Variants in KLF9 observed in about 807,000 individuals in gnomAD.
The protein encoded by KLF9 is Krueppel-like factor 9.
A neutral mutation model predicts 17.3 loss-of-function variants in KLF9; 2 were observed. That is an observed-to-expected ratio of 0.12 (90% CI 0.05 to 0.36). The LOEUF (loss-of-function observed/expected upper bound fraction) is 0.36, where lower values mean the gene tolerates loss of function less well. KLF9 is among the 10% of genes least tolerant of loss of function. The probability of loss-of-function intolerance (pLI) is 1.00; values close to 1 mark genes in which losing one functional copy is unlikely to be tolerated. For synonymous variants in KLF9, 138 were observed against 139.2 expected, an observed-to-expected ratio of 0.99 and a Z score of 0.06; for missense variants, 226 against 333.2, an observed-to-expected ratio of 0.68 and a Z score of 2.51.
At chr9:70,410,541 T>A (rs2037304363) in intron 1 of KLF9, among the ~76,000 whole-genome samples, 1 of 152,212 alleles carries the variant, frequency 6.6e-6, no homozygotes, top group Admixed American at 6.5e-5. Flanking sequence ...AAGTGGTCTA[T>A]GAAGTGGCAG....
Position 70,409,135 on chromosome 9 carries a change from CATAT to C in KLF9, c.505+3720_505+3723del, listed in dbSNP as rs1256732601. On this transcript the variant is annotated intron_variant, in intron 1 of 1. Transcript: ENST00000377126. ...ATATACATATATGTATATATGTATA[CATAT>C]ATATGTATATGTATATATATACACA... Among the ~76,000 whole-genome samples, 407 of 48,954 alleles carry C rather than the reference CATAT, an allele frequency of 8.3e-3. 27 individuals carry two copies. The East Asian group carries it at 0.11, about 14-fold the overall frequency. 32.1% of individuals were successfully genotyped at this position (48,954 alleles called of 152,430 possible).
At chr9:70,406,313 C>T (rs1368708697) in intron 1 of KLF9, among the ~76,000 whole-genome samples, 1 of 152,164 alleles carries the variant, frequency 6.6e-6, no homozygotes, top group East Asian at 1.9e-4. Flanking sequence ...ACATGCTAGT[C>T]AAGGCAGATA....
chr9:70,387,474 A>G lies in KLF9; in HGVS notation c.*302T>C, dbSNP rs1211596489. 2.6e-5 allele frequency: 4 copies of G among 153,248 alleles called. No individual in the cohort carries two copies. Among genetic ancestry groups the G allele is most frequent in the Non-Finnish European group, 5.4e-5 (4 of 73,610 alleles). The allele number at this position is 153,248 out of a possible 1,614,324, so 9.5% of individuals were successfully genotyped here. ...CTCCCCCGCAAAAAAATAAAAGGAG[A>G]AAAAAAAACAAAAACAAAAACCAAA... On this transcript the variant is annotated 3_prime_UTR_variant, in exon 2 of 2. Transcript: ENST00000377126.
intron 1 of KLF9, among the ~76,000 whole-genome samples, chr9:70,397,238 G>C (rs748984575): frequency 2.0e-5 from 3 of 152,140 alleles, no homozygotes; most frequent in Non-Finnish European, 4.4e-5. Context: ...ACTTTGGGAG[G>C]CCAAGGGGGG....
rs142610038 is a variant in KLF9 at position 70,395,661 on chromosome 9, T to C, written c.506-7656A>G. On this transcript the variant is annotated intron_variant, in intron 1 of 1. Coordinates refer to ENST00000377126, the MANE Select transcript of KLF9 (RefSeq NM_001206.4). ...AAATAATTTATAAAGTAAGAAATAC[T>C]GGCCAGACGTGGTGGTTCATGCCTG... Among the ~76,000 whole-genome samples the C allele has an allele frequency of 2.9e-3, 447 of 152,284 alleles. 2 individuals carry two copies. Among genetic ancestry groups the C allele is most frequent in the African/African-American group, 0.011 (437 of 41,580 alleles).
chr9:70,409,471 C>T (rs1245383087), intron 1 of KLF9, among the ~76,000 whole-genome samples: 1 of 151,780 alleles, frequency 6.6e-6, no homozygotes, highest in Non-Finnish European at 1.5e-5. Flanking sequence ...CTGATGACTT[C>T]CGAGCTGGAA....
chr9:70,396,689 TC>T (rs1332727191), intron 1 of KLF9, among the ~76,000 whole-genome samples: 1 of 152,218 alleles, frequency 6.6e-6, no homozygotes, highest in Non-Finnish European at 1.5e-5. Context: ...ACAATTACTA[TC>T]TACCAGTGAG....
Position 70,413,446 on chromosome 9 carries a change from A to G in KLF9, c.-83T>C, listed in dbSNP as rs1420943419. The G allele has an allele frequency of 3.1e-5, 39 of 1,275,320 alleles. No individual in the cohort carries two copies. Among genetic ancestry groups the G allele is most frequent in the Non-Finnish European group, 3.4e-5 (34 of 1,010,808 alleles). The allele number at this position is 1,275,320 out of a possible 1,614,324, so 79.0% of individuals were successfully genotyped here. The stretch of plus-strand genomic sequence containing the variant: ...TCGGCTCGCCCTGCCCTGGCCTCGG[A>G]CGACGAGCGCGGCGCGGCGCGGCAC... On this transcript the variant is annotated 5_prime_UTR_variant, in exon 1 of 2. Transcript: ENST00000377126. The surrounding 1 kb of genome is among the most constrained non-coding windows in gnomAD (Gnocchi z 5.6).
chr9:70,399,114 C>A (rs1442934502), intron 1 of KLF9, among the ~76,000 whole-genome samples: 1 of 152,174 alleles, frequency 6.6e-6, no homozygotes, highest in Non-Finnish European at 1.5e-5. Flanking sequence ...GGATTACAGC[C>A]GTGAGACACT....
At position 70,414,285 on chromosome 9, in the gene KLF9, C is replaced by T. The variant is rs944061772; in HGVS notation, c.-922G>A. 2 of 152,246 alleles carry T rather than the reference C, an allele frequency of 1.3e-5. No individual in the cohort carries two copies. The highest frequency in any genetic ancestry group is 4.8e-5 in the African/African-American group (2 of 41,460). 9.4% of individuals were successfully genotyped at this position (152,246 alleles called of 1,614,324 possible). A position where few individuals can be genotyped will look rare whatever the true frequency, so the allele number is the denominator to read the frequency against. On this transcript the variant is annotated 5_prime_UTR_variant, in exon 1 of 2. Coordinates refer to ENST00000377126, the MANE Select transcript of KLF9 (RefSeq NM_001206.4). ...CAGCTTGCGGAGCTTTGGGACACAT[C>T]TTTCCTAGTCAGTTGCGCTCGTTCC... is the stretch of plus-strand genomic sequence containing the variant.
At position 70,386,584 on chromosome 9, in the gene KLF9, A is replaced by G. The variant is rs1158345732; in HGVS notation, c.*1192T>C. 6.6e-6 allele frequency: 1 copy of G among 152,642 alleles called. No individual in the cohort carries two copies. The highest frequency in any genetic ancestry group is 1.5e-5 in the Non-Finnish European group (1 of 68,048). 9.5% of individuals were successfully genotyped at this position (152,642 alleles called of 1,614,324 possible). A position where few individuals can be genotyped will look rare whatever the true frequency, so the allele number is the denominator to read the frequency against. On this transcript the variant is annotated 3_prime_UTR_variant, in exon 2 of 2. Coordinates refer to ENST00000377126, the MANE Select transcript of KLF9 (RefSeq NM_001206.4). ...GAGAGTGGGAGTTTTGTAGGAACAC[A>G]GGAAGGAGACCAACAAACCTTTTTC... is the stretch of plus-strand genomic sequence containing the variant.
At position 70,413,457 on chromosome 9, in the gene KLF9, G is replaced by T. The variant is rs913121105; in HGVS notation, c.-94C>A. On this transcript the variant is annotated 5_prime_UTR_variant, in exon 1 of 2. Coordinates refer to ENST00000377126, the MANE Select transcript of KLF9 (RefSeq NM_001206.4). This position sits in a 1 kb window ranked among gnomAD's most constrained non-coding sequence, Gnocchi z 5.6. The stretch of plus-strand genomic sequence containing the variant: ...TGCCCTGGCCTCGGACGACGAGCGC[G>T]GCGCGGCGCGGCACGGCGCGGCGGC... 6 of 1,229,984 alleles carry T rather than the reference G, an allele frequency of 4.9e-6. No homozygotes were observed. Among genetic ancestry groups the T allele is most frequent in the South Asian group, 3.1e-5 (1 of 32,432 alleles). 76.2% of individuals were successfully genotyped at this position (1,229,984 alleles called of 1,614,324 possible).
chr9:70,413,441 C>T lies in KLF9; in HGVS notation c.-78G>A, dbSNP rs2037344058. 1 of 1,297,284 alleles carries T rather than the reference C, an allele frequency of 7.7e-7. No homozygotes were observed. The highest frequency in any genetic ancestry group is 4.0e-5 in the Admixed American group (1 of 24,852). The allele number at this position is 1,297,284 out of a possible 1,614,324, so 80.4% of individuals were successfully genotyped here. Reference sequence around the variant, plus strand: ...GAGGTTCGGCTCGCCCTGCCCTGGCCTCGGACGACGAGCGCGGCGCGGCGC... The same window carrying T: ...GAGGTTCGGCTCGCCCTGCCCTGGCTTCGGACGACGAGCGCGGCGCGGCGC... On this transcript the variant is annotated 5_prime_UTR_variant, in exon 1 of 2. Coordinates refer to ENST00000377126, the MANE Select transcript of KLF9 (RefSeq NM_001206.4). This position sits in a 1 kb window ranked among gnomAD's most constrained non-coding sequence, Gnocchi z 5.6.
chr9:70,404,283 T>C (rs2037242202), intron 1 of KLF9, among the ~76,000 whole-genome samples: 1 of 152,194 alleles, frequency 6.6e-6, no homozygotes, highest in Non-Finnish European at 1.5e-5. Flanking sequence ...TTTTTGCATG[T>C]AAGTCACTCA....
rs2118934826 is a variant in KLF9, at chr9:70,413,462, G to C, written c.-99C>G. 2 of 1,191,772 alleles carry C rather than the reference G, an allele frequency of 1.7e-6. No individual in the cohort carries two copies. Among genetic ancestry groups the C allele is most frequent in the Middle Eastern group, 3.2e-4 (1 of 3,112 alleles). 73.8% of individuals were successfully genotyped at this position (1,191,772 alleles called of 1,614,324 possible). A position where few individuals can be genotyped will look rare whatever the true frequency, so the allele number is the denominator to read the frequency against. ...TGGCCTCGGACGACGAGCGCGGCGC[G>C]GCGCGGCACGGCGCGGCGGCCAAGG... On this transcript the variant is annotated 5_prime_UTR_variant, in exon 1 of 2. Transcript: ENST00000377126. This position sits in a 1 kb window ranked among gnomAD's most constrained non-coding sequence, Gnocchi z 5.6.
At chr9:70,409,914 C>T (rs973742400) in intron 1 of KLF9, among the ~76,000 whole-genome samples, 7 of 152,248 alleles carry the variant, frequency 4.6e-5, no homozygotes, top group African/African-American at 9.6e-5. Flanking sequence ...TTTAAGGTGA[C>T]GTTCTGTACA....
Position 70,412,850 on chromosome 9 carries a change from G to A in KLF9, c.505+9C>T. 6.5e-7 allele frequency: 1 copy of A among 1,541,482 alleles called. No homozygotes were observed. The highest frequency in any genetic ancestry group is 1.4e-5 in the African/African-American group (1 of 72,868). Reference sequence around the variant, plus strand: ...CCAGAGCTCCGGGGGAGAGGGCGACGCCGCTAACCTGTATGCACTCTGTAA... The same window carrying A: ...CCAGAGCTCCGGGGGAGAGGGCGACACCGCTAACCTGTATGCACTCTGTAA... On this transcript the variant is annotated intron_variant, in intron 1 of 1. Transcript: ENST00000377126.
At chr9:70,398,027 A>C (rs3780604) in intron 1 of KLF9, among the ~76,000 whole-genome samples, 14 of 152,340 alleles carry the variant, frequency 9.2e-5, no homozygotes, top group East Asian at 5.8e-4. Context: ...AAAATCATTC[A>C]TTCAAAAGTC....
At chr9:70,410,211 AT>A (rs1476864938) in intron 1 of KLF9, among the ~76,000 whole-genome samples, 4 of 152,166 alleles carry the variant, frequency 2.6e-5, no homozygotes, top group African/African-American at 7.2e-5. Flanking sequence ...AGATCTTTTG[AT>A]TTTTCCAGAC....
Sources: gnomAD v4.1 joint callset for allele counts (sites outside exome capture counted in the v4.1 genomes callset) on GRCh38, gnomAD v4.1.1 for gene constraint, Gnocchi (gnomAD v3.1) non-coding constraint, MANE v1.5 for transcripts, NCBI Gene and HGNC (gene_info 2026-07-23, HGNC 2026-07-21) for gene names.